DNM3: variants seen among roughly 807,000 people sequenced by gnomAD.
DNM3 encodes dynamin-3.
A neutral mutation model predicts 101.6 loss-of-function variants in DNM3; 47 were observed. The observed-to-expected ratio is 0.46, with a 90% CI of 0.37 to 0.59. The LOEUF is 0.59. Ranked by LOEUF, DNM3 falls within the 20% of genes least tolerant of loss-of-function variation. The pLI is 0.00. For missense variants in DNM3, 849 were observed against 1,085.7 expected, an observed-to-expected ratio of 0.78 and a Z score of 3.06; for synonymous variants, 385 against 387.9, an observed-to-expected ratio of 0.99 and a Z score of 0.09.
chr1:172,352,905 C>T (rs2067261313), intron 17 of DNM3, among the ~76,000 whole-genome samples: 1 of 152,140 alleles, frequency 6.6e-6, no homozygotes, highest in African/African-American at 2.4e-5. Context: ...TCTTGAAAAT[C>T]CTTTCCAATA....
At chr1:172,370,726 C>T (rs2068278893) in intron 17 of DNM3, among the ~76,000 whole-genome samples, 2 of 152,060 alleles carry the variant, frequency 1.3e-5, no homozygotes, top group South Asian at 4.1e-4. Flanking sequence ...GCCCAAGACT[C>T]CAGAGTTAGT....
chr1:172,326,602 G>T (rs2065947780), intron 17 of DNM3, among the ~76,000 whole-genome samples: 1 of 151,884 alleles, frequency 6.6e-6, no homozygotes, highest in Admixed American at 6.6e-5. Flanking sequence ...TTTTGAATGT[G>T]ATGGCTTCTC....
chr1:172,020,825 A>G (rs2047802099), intron 4 of DNM3, among the ~76,000 whole-genome samples: 1 of 151,358 alleles, frequency 6.6e-6, no homozygotes, highest in Admixed American at 6.6e-5. Flanking sequence ...TTTCTCTTTA[A>G]TTTACTGCGA....
At chr1:171,930,552 G>T (rs757439782) in intron 2 of DNM3, among the ~76,000 whole-genome samples, 10 of 152,118 alleles carry the variant, frequency 6.6e-5, no homozygotes, top group Admixed American at 2.6e-4. Context: ...GGTGGAGTGG[G>T]TTCATGAGGG....
At chr1:172,327,421 C>T (rs1199428671) in intron 17 of DNM3, among the ~76,000 whole-genome samples, 2 of 152,160 alleles carry the variant, frequency 1.3e-5, no homozygotes, top group Non-Finnish European at 2.9e-5. Context: ...ACCAAGCCCT[C>T]AACTCCTAAA....
chr1:172,409,743 T>C lies in DNM3; in HGVS notation c.*1902T>C. 2.1e-6 allele frequency: 2 copies of C among 973,450 alleles called. No homozygotes were observed. The highest frequency in any genetic ancestry group is 1.2e-6 in the Non-Finnish European group (1 of 822,438). 60.3% of individuals were successfully genotyped at this position (973,450 alleles called of 1,614,324 possible). ...AGTGAGATCTTTTTATAAAACTTCT[T>C]GTTTTTAGGATTCCCTTTGCTTCTT... On this transcript the variant is annotated 3_prime_UTR_variant, in exon 21 of 21. Transcript: ENST00000627582.
At chr1:172,236,802 G>A (rs992247972) in intron 14 of DNM3, among the ~76,000 whole-genome samples, 13 of 152,198 alleles carry the variant, frequency 8.5e-5, no homozygotes, top group Middle Eastern at 3.4e-3. Context: ...TGACATTAAA[G>A]AGGTCTGGTG....
At chr1:171,987,389 A>G in intron 2 of DNM3, 1 of 882,452 alleles carries the variant, frequency 1.1e-6, no homozygotes, top group Non-Finnish European at 1.4e-6. Context: ...TCTTTAAATT[A>G]TTTAATAGGC....
At chr1:172,399,257 A>T (rs1275647226) in intron 20 of DNM3, among the ~76,000 whole-genome samples, 1 of 152,222 alleles carries the variant, frequency 6.6e-6, no homozygotes, top group Non-Finnish European at 1.5e-5. Flanking sequence ...AGTAGAAGCG[A>T]CTGAACCTTT....
At chr1:172,296,649 T>A (rs2064176210) in intron 15 of DNM3, among the ~76,000 whole-genome samples, 1 of 152,214 alleles carries the variant, frequency 6.6e-6, no homozygotes, top group South Asian at 2.1e-4. Context: ...ACACCTCCCT[T>A]TCCAATTATA....
At chr1:172,278,998 TC>T (rs1395328064) in intron 15 of DNM3, among the ~76,000 whole-genome samples, 1 of 152,188 alleles carries the variant, frequency 6.6e-6, no homozygotes, top group African/African-American at 2.4e-5. Flanking sequence ...CAAACTGGTT[TC>T]ATAAGCATAA....
chr1:171,940,562 T>C (rs1272986491), intron 2 of DNM3, among the ~76,000 whole-genome samples: 2 of 152,180 alleles, frequency 1.3e-5, no homozygotes, highest in African/African-American at 4.8e-5. Context: ...ACATTGCAAT[T>C]TGGGGTGATG....
intron 10 of DNM3, among the ~76,000 whole-genome samples, chr1:172,058,535 A>C (rs1258853976): frequency 2.0e-5 from 3 of 152,102 alleles, no homozygotes; most frequent in East Asian, 1.9e-4. Flanking sequence ...CTCAGGATTA[A>C]GAATCTCACT....
intron 15 of DNM3, 71 bp downstream of exon 15, chr1:172,253,753 T>C (rs1046521768): frequency 3.3e-5 from 32 of 967,362 alleles, no homozygotes; most frequent in Non-Finnish European, 4.0e-5. Flanking sequence ...GAGATCATAT[T>C]TGAAAATAGT....
At chr1:172,223,143 C>T (rs2060971546) in intron 14 of DNM3, among the ~76,000 whole-genome samples, 1 of 151,920 alleles carries the variant, frequency 6.6e-6, no homozygotes, top group Non-Finnish European at 1.5e-5. Flanking sequence ...ACTATAGTCA[C>T]CATACTGTGC....
intron 13 of DNM3, among the ~76,000 whole-genome samples, chr1:172,095,006 C>A (rs1176235765): frequency 6.6e-6 from 1 of 152,166 alleles, no homozygotes; most frequent in Non-Finnish European, 1.5e-5. Flanking sequence ...TCCAAATGCT[C>A]AAATCATGCT....
intron 15 of DNM3, among the ~76,000 whole-genome samples, chr1:172,278,853 A>G (rs2063384301): frequency 1.3e-5 from 2 of 152,144 alleles, no homozygotes; most frequent in Non-Finnish European, 2.9e-5. Flanking sequence ...TTTGGAGGTT[A>G]AAATGTTCTT....
chr1:172,037,230 C>T (rs1195228807), intron 6 of DNM3, among the ~76,000 whole-genome samples: 4 of 152,136 alleles, frequency 2.6e-5, no homozygotes, highest in African/African-American at 9.7e-5. Flanking sequence ...AAGTCAGTGT[C>T]TTGATTCCTC....
chr1:172,166,371 C>T (rs765542394), intron 14 of DNM3, among the ~76,000 whole-genome samples: 1 of 152,048 alleles, frequency 6.6e-6, no homozygotes, highest in Non-Finnish European at 1.5e-5. Flanking sequence ...TTTTAATCAT[C>T]ATCACTAAAG....
Sources: gnomAD v4.1 joint callset for allele counts (sites outside exome capture counted in the v4.1 genomes callset) on GRCh38, gnomAD v4.1.1 for gene constraint, MANE v1.5 for transcripts, NCBI Gene and HGNC (gene_info 2026-07-23, HGNC 2026-07-21) for gene names.